Variants in GLI3 observed in about 807,000 individuals in gnomAD.
GLI3 encodes the protein GLI family zinc finger 3, also known as transcription activator GLI3.
In GLI3, 20 loss-of-function variants were observed where a neutral mutation model predicts 100.8. The ratio of observed to expected loss-of-function variants is 0.20; its 90% confidence interval spans 0.14 to 0.29. The LOEUF (loss-of-function observed/expected upper bound fraction) is 0.29, where lower values mean the gene tolerates loss of function less well. Among genes scored for constraint, GLI3 ranks in the 10% least tolerant of loss-of-function variants. The pLI is 1.00. For synonymous variants in GLI3, 938 were observed against 860.5 expected, an observed-to-expected ratio of 1.09 and a Z score of -1.58; for missense variants, 2,040 against 2,128.5, an observed-to-expected ratio of 0.96 and a Z score of 0.82.
chr7:42,166,314 C>A (rs1787239974), intron 2 of GLI3, among the ~76,000 whole-genome samples: 1 of 152,204 alleles, frequency 6.6e-6, no homozygotes. Context: ...ACACCATAGG[C>A]ACTAGTGAAG....
intron 1 of GLI3, among the ~76,000 whole-genome samples, chr7:42,224,179 G>A (rs1056191868): frequency 1.3e-5 from 2 of 152,134 alleles, no homozygotes; most frequent in Non-Finnish European, 2.9e-5. Flanking sequence ...AAGAATACAA[G>A]AAAAGAGGAA....
chr7:42,227,999 C>T (rs1288398346), intron 1 of GLI3, among the ~76,000 whole-genome samples: 1 of 152,214 alleles, frequency 6.6e-6, no homozygotes, highest in Non-Finnish European at 1.5e-5. Flanking sequence ...CTGGTTTCCT[C>T]CGACGGTGGC....
At chr7:42,195,636 C>T (rs372125971) in intron 2 of GLI3, among the ~76,000 whole-genome samples, 3 of 152,144 alleles carry the variant, frequency 2.0e-5, no homozygotes, top group Non-Finnish European at 4.4e-5. Flanking sequence ...TGCTCTATTG[C>T]GGCAATCATC....
At chr7:42,035,673 G>T (rs1222197757) in intron 7 of GLI3, among the ~76,000 whole-genome samples, 1 of 152,196 alleles carries the variant, frequency 6.6e-6, no homozygotes, top group African/African-American at 2.4e-5. Context: ...ATTTACATTT[G>T]CCGGAAGACT....
chr7:42,055,083 ATATACATATATACACATATATG>A (rs1297515201), intron 4 of GLI3, among the ~76,000 whole-genome samples: 1 of 136,420 alleles, frequency 7.3e-6, no homozygotes, highest in African/African-American at 3.4e-5. Flanking sequence ...ATATATGTAT[ATATACATATATACACATATATG>A]TATATATACA....
chr7:42,067,328 A>G (rs1355494616), intron 4 of GLI3, among the ~76,000 whole-genome samples: 1 of 152,182 alleles, frequency 6.6e-6, no homozygotes, highest in Non-Finnish European at 1.5e-5. Context: ...CTTTGAACAG[A>G]GGCAAGAAGC....
chr7:42,221,189 C>G (rs1212266175), intron 2 of GLI3, among the ~76,000 whole-genome samples: 1 of 152,150 alleles, frequency 6.6e-6, no homozygotes, highest in Non-Finnish European at 1.5e-5. Context: ...CCCAATCACC[C>G]TCAACAGAAT....
intron 3 of GLI3, among the ~76,000 whole-genome samples, chr7:42,105,479 G>T (rs1785552994): frequency 6.6e-6 from 1 of 152,128 alleles, no homozygotes; most frequent in African/African-American, 2.4e-5. Flanking sequence ...AGAGAGAAAA[G>T]CGAGAAGCGA....
At chr7:42,101,836 C>CAT (rs1562730219) in intron 3 of GLI3, among the ~76,000 whole-genome samples, 5 of 96,180 alleles carry the variant, frequency 5.2e-5, no homozygotes, top group African/African-American at 2.8e-4. Flanking sequence ...TCCCTCCACC[C>CAT]TCTCCCACCC....
chr7:42,068,800 C>A (rs1290314426), intron 4 of GLI3, among the ~76,000 whole-genome samples: 2 of 152,022 alleles, frequency 1.3e-5, no homozygotes, highest in Non-Finnish European at 2.9e-5. Context: ...GGAGAGACGG[C>A]CACATAGGAA....
chr7:42,014,219 T>C lies in GLI3; in HGVS notation c.1497+9249A>G, dbSNP rs367559136. On this transcript the variant is annotated intron_variant, in intron 10 of 14. Transcript: ENST00000395925. ...TCCTCTCATCAAAAGCATTTAATTATCCTTACTCCACCTGGAATAAAAGTC... is the reference window on the plus strand; with the variant it reads ...TCCTCTCATCAAAAGCATTTAATTACCCTTACTCCACCTGGAATAAAAGTC... Among the ~76,000 whole-genome samples the C allele has an allele frequency of 7.5e-4, 114 of 152,254 alleles. 1 individual carries two copies. The highest frequency in any genetic ancestry group is 2.5e-3 in the African/African-American group (102 of 41,550).
At chr7:42,182,964 T>C (rs1787647518) in intron 2 of GLI3, among the ~76,000 whole-genome samples, 1 of 151,918 alleles carries the variant, frequency 6.6e-6, no homozygotes, top group African/African-American at 2.4e-5. Context: ...TTCACATCTG[T>C]AATCCCAGTA....
chr7:42,024,838 A>C lies in GLI3; in HGVS notation c.1356+426T>G, dbSNP rs191746648. 7.2e-5 allele frequency among the ~76,000 whole-genome samples: 11 copies of C among 152,246 alleles called. No homozygotes were observed. The East Asian group carries it at 2.1e-3, about 29-fold the overall frequency. ...AGTGGGAAGTAGCAAAATAAGAAAA[A>C]ATGATATAGGAGCCATCAGTAGATC... On this transcript the variant is annotated intron_variant, in intron 9 of 14. Transcript: ENST00000395925.
chr7:42,177,440 A>G (rs1372437246), intron 2 of GLI3, among the ~76,000 whole-genome samples: 1 of 152,210 alleles, frequency 6.6e-6, no homozygotes, highest in Non-Finnish European at 1.5e-5. Context: ...CAGAGTCCAC[A>G]ATTATCACCT....
chr7:42,076,610 G>A (rs1784883269), intron 4 of GLI3, 142 bp downstream of exon 4: 1 of 690,860 alleles, frequency 1.4e-6, no homozygotes, highest in Non-Finnish European at 2.7e-6. Context: ...CGAACAGATA[G>A]GCTTGCTATA....
At chr7:42,159,730 T>C (rs955925924) in intron 2 of GLI3, among the ~76,000 whole-genome samples, 7 of 152,112 alleles carry the variant, frequency 4.6e-5, no homozygotes, top group African/African-American at 1.7e-4. Flanking sequence ...AAAAAAGACC[T>C]AAATAAATAA....
At chr7:42,070,927 T>C (rs1025075208) in intron 4 of GLI3, among the ~76,000 whole-genome samples, 1 of 152,202 alleles carries the variant, frequency 6.6e-6, no homozygotes, top group Non-Finnish European at 1.5e-5. Context: ...GCATCTGATG[T>C]GGCAATAGCT....
At chr7:41,977,924 C>CTTTAT in intron 11 of GLI3, 1 of 603,352 alleles carries the variant, frequency 1.7e-6, no homozygotes, top group Admixed American at 3.0e-5. Flanking sequence ...GTTTTCAGTG[C>CTTTAT]CAGTAAAAGT....
chr7:42,050,850 C>T (rs753075311), intron 4 of GLI3, among the ~76,000 whole-genome samples: 4 of 152,168 alleles, frequency 2.6e-5, no homozygotes, highest in Non-Finnish European at 4.4e-5. Flanking sequence ...GTAAGAATAT[C>T]CCTAGAGGTC....
Sources: allele counts gnomAD v4.1 joint callset (sites outside exome capture counted in the v4.1 genomes callset), GRCh38; gene constraint gnomAD v4.1.1; transcripts MANE v1.5; gene names NCBI Gene and HGNC (gene_info 2026-07-23, HGNC 2026-07-21).